The following PLCG2 variants were observed in gnomAD, a reference collection of about 807,000 sequenced individuals.
PLCG2 encodes the protein phospholipase C gamma 2.
Under a neutral mutation model 175.6 loss-of-function variants are expected in PLCG2, and 69 were observed. That is an observed-to-expected ratio of 0.39 (90% CI 0.32 to 0.48). The LOEUF is 0.48. Ranked by LOEUF, PLCG2 falls within the 20% of genes least tolerant of loss-of-function variation. The pLI, the probability that PLCG2 is intolerant of heterozygous loss-of-function variation, is 0.91. For missense variants in PLCG2, 1,798 were observed against 1,650.9 expected, an observed-to-expected ratio of 1.09 and a Z score of -1.54; for synonymous variants, 827 against 624.0, an observed-to-expected ratio of 1.33 and a Z score of -4.85.
intron 2 of PLCG2, 149 bp from the exon 3 acceptor site, chr16:81,854,295 G>T (rs1261825990): frequency 2.8e-6 from 2 of 708,430 alleles, no homozygotes; most frequent in African/African-American, 3.6e-5. Flanking sequence ...CCAGAAGGAG[G>T]GGACACTGAG....
chr16:81,870,026 A>T (rs538298147), intron 6 of PLCG2, among the ~76,000 whole-genome samples: 3 of 152,170 alleles, frequency 2.0e-5, no homozygotes, highest in Admixed American at 2.0e-4. Flanking sequence ...AGCTCATTTC[A>T]TTTTTGTATT....
chr16:81,739,559 C>A (rs1909537709), intron 1 of PLCG2: 1 of 152,326 alleles, frequency 6.6e-6, no homozygotes, highest in South Asian at 2.1e-4. Context: ...CCCCCGTACT[C>A]CTCCAGGGAA....
chr16:81,759,427 C>G (rs1909993510), intron 2 of PLCG2, among the ~76,000 whole-genome samples: 1 of 152,008 alleles, frequency 6.6e-6, no homozygotes, highest in Non-Finnish European at 1.5e-5. Flanking sequence ...GTTATTTATT[C>G]TTTGATAGGT....
At chr16:81,957,922 C>A in intron 32 of PLCG2, 34 bp from the exon 33 acceptor site, 1 of 1,601,838 alleles carries the variant, frequency 6.2e-7, no homozygotes, top group Non-Finnish European at 8.6e-7. Context: ...TTTCTCATGG[C>A]CCACTGCTGA....
At chr16:81,877,270 C>G (rs35283641) in intron 7 of PLCG2, among the ~76,000 whole-genome samples, 6 of 151,860 alleles carry the variant, frequency 4.0e-5, no homozygotes, top group Admixed American at 3.9e-4. Context: ...CTGGCTGACA[C>G]GGTGAAACCC....
chr16:81,946,083 C>G (rs532689222), intron 30 of PLCG2, 92 bp from the exon 31 acceptor site: 13 of 912,398 alleles, frequency 1.4e-5, no homozygotes, highest in Non-Finnish European at 2.0e-5. Context: ...ACCCTTTGAA[C>G]TAGGCCTATG....
intron 2 of PLCG2, among the ~76,000 whole-genome samples, chr16:81,844,284 C>T (rs963113367): frequency 1.5e-4 from 23 of 149,532 alleles, no homozygotes; most frequent in African/African-American, 2.0e-4. Flanking sequence ...TGAGCCACCG[C>T]GCCCGGGCAC....
At chr16:81,900,490 G>T (rs140035456) in intron 13 of PLCG2, 122 bp from the exon 14 acceptor site, 13,100 of 781,858 alleles carry the variant, frequency 0.017, 148 homozygotes, top group Non-Finnish European at 0.021. Flanking sequence ...AGATGTGGGG[G>T]TTGTGCCCCC....
At chr16:81,754,133 G>A (rs1258708504) in intron 1 of PLCG2, among the ~76,000 whole-genome samples, 4 of 151,912 alleles carry the variant, frequency 2.6e-5, no homozygotes, top group Non-Finnish European at 4.4e-5. Context: ...CAGGTTCTAG[G>A]GACCCACTTC....
At chr16:81,900,925 A>C in intron 14 of PLCG2, 145 bp downstream of exon 14, 1 of 670,452 alleles carries the variant, frequency 1.5e-6, no homozygotes, top group East Asian at 2.9e-5. Context: ...CTCCTTACTA[A>C]CACTGTGACC....
chr16:81,960,819 C>G lies in PLCG2; in HGVS notation c.*2821C>G, dbSNP rs1263581116. ...AGCTAGCCTTACCCCTGGGAGTATA[C>G]CAGAGCTTTCCAAGGAATACACAGA... is the stretch of plus-strand genomic sequence containing the variant. On this transcript the variant is annotated 3_prime_UTR_variant, in exon 33 of 33. Coordinates refer to ENST00000564138, the MANE Select transcript of PLCG2 (RefSeq NM_002661.5). 3.5e-5 allele frequency: 8 copies of G among 229,384 alleles called. No homozygotes were observed. The highest frequency in any genetic ancestry group is 8.6e-6 in the Non-Finnish European group (1 of 115,758). 14.2% of individuals were successfully genotyped at this position (229,384 alleles called of 1,614,324 possible).
chr16:81,817,233 G>A (rs1356518988), intron 2 of PLCG2, among the ~76,000 whole-genome samples: 1 of 152,210 alleles, frequency 6.6e-6, no homozygotes, highest in African/African-American at 2.4e-5. Flanking sequence ...AGATCCGATG[G>A]GAAGAATCCT....
intron 31 of PLCG2, 91 bp from the exon 32 acceptor site, chr16:81,956,604 C>G: frequency 4.3e-6 from 5 of 1,167,456 alleles, no homozygotes; most frequent in Non-Finnish European, 6.1e-6. Flanking sequence ...GCCCCATGCT[C>G]CCTTTGGGCA....
At chr16:81,946,803 A>T (rs1337096382) in intron 31 of PLCG2, among the ~76,000 whole-genome samples, 1 of 152,078 alleles carries the variant, frequency 6.6e-6, no homozygotes, top group African/African-American at 2.4e-5. Context: ...CAGATATAGA[A>T]TTAGTGGGAT....
At chr16:81,953,025 A>G (rs543238296) in intron 31 of PLCG2, among the ~76,000 whole-genome samples, 41 of 152,364 alleles carry the variant, frequency 2.7e-4, no homozygotes, top group African/African-American at 9.4e-4. Context: ...TGAGAAGGGT[A>G]CATTGCTTCT....
intron 7 of PLCG2, among the ~76,000 whole-genome samples, chr16:81,873,976 C>T (rs563849710): frequency 6.6e-6 from 1 of 152,062 alleles, no homozygotes. Flanking sequence ...CAGAGTTTTA[C>T]AAAATGTCAG....
At chr16:81,903,657 G>A (rs1174723626) in intron 14 of PLCG2, among the ~76,000 whole-genome samples, 1 of 152,184 alleles carries the variant, frequency 6.6e-6, no homozygotes. Context: ...AGGGGTGGAG[G>A]GAGCTCGGCC....
intron 5 of PLCG2, among the ~76,000 whole-genome samples, chr16:81,864,407 G>A (rs1035185153): frequency 6.6e-6 from 1 of 152,192 alleles, no homozygotes; most frequent in Non-Finnish European, 1.5e-5. Flanking sequence ...CAGCAGCCCC[G>A]TGTGGCTAGC....
chr16:81,948,004 A>G (rs1231481097), intron 31 of PLCG2, among the ~76,000 whole-genome samples: 1 of 152,162 alleles, frequency 6.6e-6, no homozygotes, highest in Non-Finnish European at 1.5e-5. Flanking sequence ...AAAGCCATTG[A>G]TGCCTGTTTC....
Sources: gnomAD v4.1 joint callset for allele counts (sites outside exome capture counted in the v4.1 genomes callset) on GRCh38, gnomAD v4.1.1 for gene constraint, MANE v1.5 for transcripts, NCBI Gene and HGNC (gene_info 2026-07-23, HGNC 2026-07-21) for gene names.